Variants in RICTOR observed in about 807,000 individuals in gnomAD.
The protein encoded by RICTOR is rapamycin-insensitive companion of mTOR.
In RICTOR, 49 loss-of-function variants were observed where a neutral mutation model predicts 214.9. The observed-to-expected ratio is 0.23, with a 90% CI of 0.18 to 0.29. The LOEUF (loss-of-function observed/expected upper bound fraction) is 0.29, where lower values mean the gene tolerates loss of function less well. RICTOR is among the 10% of genes least tolerant of loss of function. RICTOR has a pLI of 1.00. For missense variants in RICTOR, 1,625 were observed against 2,047.0 expected (o/e 0.79, Z 3.98); for synonymous variants, 717 against 711.3 (o/e 1.01, Z -0.13).
In RICTOR at chr5:38,938,037, C is replaced by G. The variant is rs970351574; in HGVS notation, c.*4267G>C. 1.5e-5 allele frequency: 3 copies of G among 202,834 alleles called. 1 individual carries two copies. The highest frequency in any genetic ancestry group is 6.0e-5 in the Admixed American group (1 of 16,706). 12.6% of individuals were successfully genotyped at this position (202,834 alleles called of 1,614,324 possible). On this transcript the variant is annotated 3_prime_UTR_variant, in exon 38 of 38. Coordinates refer to ENST00000357387, the MANE Select transcript of RICTOR (RefSeq NM_152756.5). ...ACATTATACAAAAACAAGAAAATCA[C>G]AACAAAAAAAATCAAGGTGAGCAAA... is the stretch of plus-strand genomic sequence containing the variant.
At chr5:38,951,105 T>C (rs1329886703) in intron 30 of RICTOR, among the ~76,000 whole-genome samples, 1 of 151,942 alleles carries the variant, frequency 6.6e-6, no homozygotes, top group Non-Finnish European at 1.5e-5. Flanking sequence ...TTTAAATTAC[T>C]ATAAGCAGGA....
rs550516021 is a variant in RICTOR at position 38,951,832 on chromosome 5, C to T, written c.3127+364G>A. Among the ~76,000 whole-genome samples, 9 of 151,886 alleles carry T rather than the reference C, an allele frequency of 5.9e-5. No homozygotes were observed. The South Asian group carries it at 1.9e-3, about 32-fold the overall frequency. On this transcript the variant is annotated intron_variant, in intron 30 of 37. Transcript: ENST00000357387. ...TATCAGTTAAAAATATATTCTGGCTCAACAATCTCAGTATCTGAAAAATGA... is the reference window on the plus strand; with the variant it reads ...TATCAGTTAAAAATATATTCTGGCTTAACAATCTCAGTATCTGAAAAATGA...
intron 7 of RICTOR, among the ~76,000 whole-genome samples, chr5:38,990,628 T>TATATCAG (rs1286469105): frequency 2.1e-5 from 2 of 95,658 alleles, no homozygotes; most frequent in Non-Finnish European, 4.3e-5. Context: ...ATATATGATA[T>TATATCAG]ATATATCTGA....
rs1390204932 is a variant in RICTOR at position 38,941,714 on chromosome 5, T to C, written c.*590A>G. 1 of 229,004 alleles carries C rather than the reference T, an allele frequency of 4.4e-6. No individual in the cohort carries two copies. The highest frequency in any genetic ancestry group is 8.7e-6 in the Non-Finnish European group (1 of 115,232). 14.2% of individuals were successfully genotyped at this position (229,004 alleles called of 1,614,324 possible). A position where few individuals can be genotyped will look rare whatever the true frequency, so the allele number is the denominator to read the frequency against. ...ATAAAAATAACTTATAAGTCCCGGG[T>C]TGTTGAGGCTCTTCTTCTGCTTTGA... On this transcript the variant is annotated 3_prime_UTR_variant, in exon 38 of 38. Coordinates refer to ENST00000357387, the MANE Select transcript of RICTOR (RefSeq NM_152756.5).
At chr5:38,989,171 G>C (rs997285108) in intron 7 of RICTOR, among the ~76,000 whole-genome samples, 1 of 151,976 alleles carries the variant, frequency 6.6e-6, no homozygotes. Context: ...AGATACATAG[G>C]CCAATAGAAC....
intron 2 of RICTOR, among the ~76,000 whole-genome samples, chr5:39,030,810 G>A (rs1756223862): frequency 6.6e-6 from 1 of 152,082 alleles, no homozygotes; most frequent in African/African-American, 2.4e-5. Flanking sequence ...TCAGGAGGAG[G>A]AGGGTCCAAC....
intron 2 of RICTOR, among the ~76,000 whole-genome samples, chr5:39,034,669 T>A (rs1176960786): frequency 6.6e-6 from 1 of 152,210 alleles, no homozygotes; most frequent in African/African-American, 2.4e-5. Context: ...GGAGATTATA[T>A]CCCACACCTG....
intron 7 of RICTOR, among the ~76,000 whole-genome samples, chr5:38,990,707 A>ATATC (rs1281321409): frequency 7.7e-5 from 7 of 90,682 alleles, no homozygotes; most frequent in South Asian, 3.6e-4. Context: ...TATATCAGAT[A>ATATC]TGATATATAT....
chr5:39,015,399 A>G (rs941425617), intron 3 of RICTOR, among the ~76,000 whole-genome samples: 2 of 151,658 alleles, frequency 1.3e-5, no homozygotes, highest in Non-Finnish European at 1.5e-5. Context: ...TCTGTGCTGC[A>G]TATTTGAATA....
At chr5:38,967,699 C>T (rs1156942039) in intron 12 of RICTOR, among the ~76,000 whole-genome samples, 2 of 152,164 alleles carry the variant, frequency 1.3e-5, no homozygotes, top group Non-Finnish European at 2.9e-5. Context: ...ACTGTCTCCT[C>T]TCTTCCTTTT....
intron 11 of RICTOR, chr5:38,971,005 C>CA (rs1456356283): frequency 6.6e-6 from 1 of 152,302 alleles, no homozygotes; most frequent in African/African-American, 2.4e-5. Context: ...ATTTTCAACT[C>CA]AACTTTTTTT....
intron 2 of RICTOR, among the ~76,000 whole-genome samples, chr5:39,070,952 C>T (rs1471643385): frequency 6.6e-6 from 1 of 152,182 alleles, no homozygotes; most frequent in Non-Finnish European, 1.5e-5. Flanking sequence ...CTCAGAGCAA[C>T]CATTACCAAT....
rs193044319 is a variant in RICTOR, at chr5:39,026,940, G to A, written c.98-5804C>T. 2.9e-4 allele frequency among the ~76,000 whole-genome samples: 44 copies of A among 152,044 alleles called. No individual in the cohort carries two copies. The East Asian group carries it at 7.4e-3, about 26-fold the overall frequency. ...GGAGAATCACTTGAACCCGGGAAACGGAGGTTGTGGTGAGCCGAGATCGCA... is the reference window on the plus strand; with the variant it reads ...GGAGAATCACTTGAACCCGGGAAACAGAGGTTGTGGTGAGCCGAGATCGCA... On this transcript the variant is annotated intron_variant, in intron 2 of 37. Coordinates refer to ENST00000357387, the MANE Select transcript of RICTOR (RefSeq NM_152756.5).
rs1759552732 is a variant in RICTOR, at chr5:39,074,263, G to A, written c.49+66C>T. ...CGGCTCGCTCCCCAACCCAGGGCCAGGGGAAGGCAAGTGCCAGGGGTGGCG... is the reference window on the plus strand; with the variant it reads ...CGGCTCGCTCCCCAACCCAGGGCCAAGGGAAGGCAAGTGCCAGGGGTGGCG... On this transcript the variant is annotated intron_variant, in intron 1 of 37. Transcript: ENST00000357387. 2.5e-6 allele frequency: 4 copies of A among 1,580,084 alleles called. 1 individual carries two copies. The South Asian group carries it at 4.6e-5, about 18-fold the overall frequency.
chr5:39,058,526 T>C (rs1355865580), intron 2 of RICTOR, among the ~76,000 whole-genome samples: 2 of 152,098 alleles, frequency 1.3e-5, no homozygotes, highest in Non-Finnish European at 2.9e-5. Flanking sequence ...TATAAGACAG[T>C]TCTAATGGTT....
At chr5:38,994,137 C>A (rs1453480161) in intron 6 of RICTOR, among the ~76,000 whole-genome samples, 2 of 151,874 alleles carry the variant, frequency 1.3e-5, no homozygotes, top group African/African-American at 4.8e-5. Context: ...TTGCAGTGAG[C>A]CGAGATTGCA....
chr5:38,997,326 T>A (rs1474447032), intron 5 of RICTOR, among the ~76,000 whole-genome samples: 1 of 152,206 alleles, frequency 6.6e-6, no homozygotes, highest in Non-Finnish European at 1.5e-5. Flanking sequence ...AAATTCTATC[T>A]TACCAAAATA....
At chr5:39,066,447 T>C (rs1300882257) in intron 2 of RICTOR, among the ~76,000 whole-genome samples, 1 of 152,236 alleles carries the variant, frequency 6.6e-6, no homozygotes, top group African/African-American at 2.4e-5. Context: ...TTGAAGGCCT[T>C]TTCTCCAACT....
In RICTOR at chr5:39,038,320, C is replaced by G. The variant is rs1489200135; in HGVS notation, c.98-17184G>C. On this transcript the variant is annotated intron_variant, in intron 2 of 37. Transcript: ENST00000357387. ...AGTTAGGTGTTGATGGGACGTATCT[C>G]AAAATAATAAGAGCTATTTATGACA... Among the ~76,000 whole-genome samples the G allele has an allele frequency of 2.0e-5, 3 of 152,138 alleles. No individual in the cohort carries two copies. In the East Asian group the frequency reaches 5.8e-4, roughly 29 times the overall value.
Sources: gnomAD v4.1 joint callset for allele counts (sites outside exome capture counted in the v4.1 genomes callset) on GRCh38, gnomAD v4.1.1 for gene constraint, MANE v1.5 for transcripts, NCBI Gene and HGNC (gene_info 2026-07-23, HGNC 2026-07-21) for gene names.